SLC22A25: variants seen among roughly 807,000 people sequenced by gnomAD.
The protein encoded by SLC22A25 is solute carrier family 22 member 25, also known as MGI:2442751, MGI:2385316, MGI:3042283, MGI:3645714, MGI:3605624, MGI:2442750.
SLC22A25 carries 44 observed loss-of-function variants against 45.9 expected under a neutral mutation model. The ratio of observed to expected loss-of-function variants is 0.96; its 90% CI spans 0.75 to 1.23. The LOEUF is 1.23. SLC22A25 is among the 50% of genes most tolerant of loss of function. SLC22A25 has a pLI of 0.00. For missense variants in SLC22A25, 800 were observed against 666.4 expected (o/e 1.20, Z -2.21); for synonymous variants, 283 against 238.6 (o/e 1.19, Z -1.72).
At chr11:63,224,030 A>T (rs1183121564) in intron 5 of SLC22A25, among the ~76,000 whole-genome samples, 3 of 152,090 alleles carry the variant, frequency 2.0e-5, no homozygotes, top group Non-Finnish European at 4.4e-5. Flanking sequence ...TGTCTGGAAG[A>T]TCTGTTCAAT....
rs1179571581 is a variant in SLC22A25 at position 63,162,479 on chromosome 11, A to G, written c.*1345T>C. Among the ~76,000 whole-genome samples, 5 of 152,154 alleles carry G rather than the reference A, an allele frequency of 3.3e-5. No homozygotes were observed. In the East Asian group the frequency reaches 9.6e-4, roughly 29 times the overall value. ...GAGTTCTAGTTTTATTCTTCTGCAT[A>G]TGGATATCCAGTTTTGGAACTATTT... On this transcript the variant is annotated 3_prime_UTR_variant, in exon 12 of 12. Coordinates refer to ENST00000306494, the MANE Select transcript of SLC22A25 (RefSeq NM_199352.6).
Position 63,229,307 on chromosome 11 carries a change from A to C in SLC22A25, c.346T>G (p.Cys116Gly). 1 of 1,603,436 alleles carries C rather than the reference A, an allele frequency of 6.2e-7. No homozygotes were observed. Among genetic ancestry groups the C allele is most frequent in the Non-Finnish European group, 8.5e-7 (1 of 1,173,942 alleles). Residue 116 changes from cysteine (C) to glycine (G), a missense_variant, in exon 4 of 12, where the codon TGT becomes GGT. Physicochemically the swap from Cys to Gly is radical, Grantham distance 159. Transcript: ENST00000306494. ...TGGTCATATACCCAGCCATCCACAC[A>C]GGGCTCTGTATCTGGCTCACTCGTG... The part of the protein sequence containing the change: ...PNTSEPDTEP[C>G]VDGWVYDQSS...
chr11:63,200,435 C>T (rs894829013), intron 7 of SLC22A25, among the ~76,000 whole-genome samples: 3 of 150,966 alleles, frequency 2.0e-5, no homozygotes, highest in African/African-American at 7.3e-5. Context: ...ACAGAAAAGG[C>T]TTTCAATAAA....
intron 7 of SLC22A25, among the ~76,000 whole-genome samples, chr11:63,214,469 C>G (rs2089659309): frequency 6.6e-6 from 1 of 152,118 alleles, no homozygotes; most frequent in African/African-American, 2.4e-5. Flanking sequence ...CCCAATTCCC[C>G]CTGAGAAACA....
intron 7 of SLC22A25, among the ~76,000 whole-genome samples, chr11:63,190,175 G>A (rs144192282): frequency 0.016 from 2,496 of 152,230 alleles, 67 homozygotes; most frequent in African/African-American, 0.058. Flanking sequence ...ATCACTTTCA[G>A]GTACACCAAT....
rs370411355 is a variant in SLC22A25, at chr11:63,228,532, A to G, written c.435T>C (p.Asn145=). The G allele has an allele frequency of 6.2e-6, 10 of 1,613,662 alleles. No homozygotes were observed. Among genetic ancestry groups the G allele is most frequent in the African/African-American group, 1.3e-5 (1 of 74,824 alleles). The change falls in exon 5 of 12, where the codon AAT becomes AAC. Residue 145 remains asparagine, a synonymous_variant. Transcript: ENST00000306494. ...CCATGAATAGAAATTTAGCTACTGAATTCAGTGGTTGAGATTCGCATACCA... is the reference window on the plus strand; with the variant it reads ...CCATGAATAGAAATTTAGCTACTGAGTTCAGTGGTTGAGATTCGCATACCA... ...WDLVCESQPL[N]SVAKFLFMAG... is the part of the protein sequence containing the mutation.
At chr11:63,186,949 CT>C (rs1205750866) in intron 7 of SLC22A25, among the ~76,000 whole-genome samples, 1 of 152,086 alleles carries the variant, frequency 6.6e-6, no homozygotes, top group Non-Finnish European at 1.5e-5. Flanking sequence ...TGACTGTAGC[CT>C]TGTAGTAGAG....
intron 7 of SLC22A25, among the ~76,000 whole-genome samples, chr11:63,206,371 G>A (rs181167092): frequency 1.3e-5 from 2 of 152,328 alleles, no homozygotes; most frequent in African/African-American, 2.4e-5. Context: ...CAGTATGATT[G>A]TTTATTTAGA....
chr11:63,225,771 A>T (rs7932800), intron 5 of SLC22A25, among the ~76,000 whole-genome samples: 55,684 of 151,880 alleles, frequency 0.37, 10,494 homozygotes, highest in East Asian at 0.56. Context: ...CTTGGATTTA[A>T]CCTTTTGAGA....
At chr11:63,167,781 G>A (rs186721301) in intron 9 of SLC22A25, 18 of 158,406 alleles carry the variant, frequency 1.1e-4, no homozygotes, top group Non-Finnish European at 2.5e-4. Context: ...TCTGAAGAGA[G>A]CAGTGGATCT....
chr11:63,172,627 T>G (rs1301754157), intron 9 of SLC22A25, among the ~76,000 whole-genome samples: 3 of 149,006 alleles, frequency 2.0e-5, no homozygotes, highest in Non-Finnish European at 4.4e-5. Context: ...TAGGTGTGGG[T>G]GTTTTCAGTG....
chr11:63,175,807 A>G (rs2088064353), intron 9 of SLC22A25, among the ~76,000 whole-genome samples: 1 of 151,572 alleles, frequency 6.6e-6, no homozygotes, highest in South Asian at 2.1e-4. Context: ...ATTTCATTTA[A>G]TAAAGAAAAT....
chr11:63,193,526 G>A (rs555501298), intron 7 of SLC22A25, among the ~76,000 whole-genome samples: 61 of 152,240 alleles, frequency 4.0e-4, no homozygotes, highest in Non-Finnish European at 8.2e-4. Context: ...AACAGGGTCT[G>A]GAGTGGACCT....
intron 7 of SLC22A25, among the ~76,000 whole-genome samples, chr11:63,209,476 A>G (rs531687687): frequency 6.5e-4 from 99 of 152,208 alleles, no homozygotes; most frequent in African/African-American, 2.1e-3. Context: ...TCAGGCTTGG[A>G]GGAAAGTGAG....
chr11:63,182,072 A>G (rs868015046), intron 8 of SLC22A25, among the ~76,000 whole-genome samples: 72 of 152,118 alleles, frequency 4.7e-4, no homozygotes, highest in African/African-American at 1.5e-3. Context: ...TGTGTTAAGC[A>G]GTCTGTCAGA....
chr11:63,206,780 C>T (rs766622695), intron 7 of SLC22A25, among the ~76,000 whole-genome samples: 2 of 152,128 alleles, frequency 1.3e-5, no homozygotes, highest in Non-Finnish European at 2.9e-5. Context: ...GAAAAAAGTA[C>T]TTGAAATTTC....
intron 3 of SLC22A25, among the ~76,000 whole-genome samples, chr11:63,232,505 A>G (rs1422997976): frequency 2.0e-5 from 3 of 152,082 alleles, no homozygotes; most frequent in Non-Finnish European, 4.4e-5. Flanking sequence ...CTTTGCTGAA[A>G]TTGGTTATCA....
At chr11:63,207,758 T>C (rs1414271954) in intron 7 of SLC22A25, among the ~76,000 whole-genome samples, 1 of 152,224 alleles carries the variant, frequency 6.6e-6, no homozygotes, top group East Asian at 1.9e-4. Flanking sequence ...CCTGTTTCTC[T>C]AGATGTGTAG....
chr11:63,191,138 C>T (rs1340103266), intron 7 of SLC22A25, among the ~76,000 whole-genome samples: 2 of 152,234 alleles, frequency 1.3e-5, no homozygotes, highest in East Asian at 3.8e-4. Flanking sequence ...ATACCCTGCC[C>T]TGAGATGTGG....
Sources: gnomAD v4.1 joint callset for allele counts (sites outside exome capture counted in the v4.1 genomes callset) on GRCh38, gnomAD v4.1.1 for gene constraint, MANE v1.5 for transcripts, NCBI Gene and HGNC (gene_info 2026-07-23, HGNC 2026-07-21) for gene names.